CHST11: variants seen among roughly 807,000 people sequenced by gnomAD.
CHST11 encodes the protein C4S-1.
A neutral mutation model predicts 30.4 loss-of-function variants in CHST11; 9 were observed. The observed-to-expected ratio is 0.30, with a 90% CI of 0.18 to 0.52. The LOEUF is 0.52. Among genes scored for constraint, CHST11 ranks in the 20% least tolerant of loss-of-function variants. The pLI, the probability that CHST11 is intolerant of heterozygous loss-of-function variation, is 0.97. For missense variants in CHST11, 348 were observed against 460.6 expected (o/e 0.76, Z 2.24); for synonymous variants, 152 against 187.8 (o/e 0.81, Z 1.56).
intron 2 of CHST11, among the ~76,000 whole-genome samples, chr12:104,637,786 C>T (rs374553778): frequency 7.9e-5 from 12 of 152,214 alleles, no homozygotes; most frequent in African/African-American, 2.9e-4. Flanking sequence ...CATCTGGTCA[C>T]GTACATGCAC....
chr12:104,538,372 T>A (rs993862966), intron 1 of CHST11, among the ~76,000 whole-genome samples: 2 of 152,196 alleles, frequency 1.3e-5, no homozygotes, highest in Non-Finnish European at 2.9e-5. Flanking sequence ...CTATCAAGGG[T>A]GCATCACCCT....
intron 1 of CHST11, among the ~76,000 whole-genome samples, chr12:104,460,393 G>A (rs531658787): frequency 3.3e-5 from 5 of 152,310 alleles, no homozygotes; most frequent in Admixed American, 1.3e-4. Flanking sequence ...GCAGGGCGCG[G>A]TGGCTCATAC....
At chr12:104,651,765 A>G (rs921373942) in intron 2 of CHST11, among the ~76,000 whole-genome samples, 2 of 152,174 alleles carry the variant, frequency 1.3e-5, no homozygotes, top group Non-Finnish European at 2.9e-5. Flanking sequence ...AATTGTAAAA[A>G]TGCCTCCTGC....
intron 2 of CHST11, among the ~76,000 whole-genome samples, chr12:104,664,485 A>G (rs2039625092): frequency 6.6e-6 from 1 of 152,188 alleles, no homozygotes; most frequent in Non-Finnish European, 1.5e-5. Context: ...GTAAAATATA[A>G]CACACAGCCC....
At chr12:104,685,307 C>A (rs548097167) in intron 2 of CHST11, among the ~76,000 whole-genome samples, 2 of 152,282 alleles carry the variant, frequency 1.3e-5, no homozygotes, top group East Asian at 3.9e-4. Flanking sequence ...GCTCTTCTAT[C>A]CCTTGATATT....
intron 2 of CHST11, among the ~76,000 whole-genome samples, chr12:104,745,784 A>T (rs556224002): frequency 1.3e-5 from 2 of 152,274 alleles, no homozygotes; most frequent in East Asian, 3.9e-4. Context: ...TTGTACACTG[A>T]TTTTGTATCC....
chr12:104,580,451 A>C (rs768861671), intron 1 of CHST11, among the ~76,000 whole-genome samples: 5 of 152,226 alleles, frequency 3.3e-5, no homozygotes, highest in Non-Finnish European at 7.3e-5. Flanking sequence ...ATTTCAGTGG[A>C]GCTTTAAGCC....
intron 1 of CHST11, among the ~76,000 whole-genome samples, chr12:104,559,695 A>G (rs1205526573): frequency 6.6e-6 from 1 of 152,202 alleles, no homozygotes; most frequent in Non-Finnish European, 1.5e-5. Context: ...GTGAGCCAAG[A>G]TCATATCATT....
intron 2 of CHST11, among the ~76,000 whole-genome samples, chr12:104,706,403 CAGAT>C (rs2040035230): frequency 1.1e-5 from 1 of 90,910 alleles, no homozygotes; most frequent in South Asian, 3.9e-4. Context: ...CAAACAAAAA[CAGAT>C]AGGTAGATAG....
intron 2 of CHST11, among the ~76,000 whole-genome samples, chr12:104,692,552 G>A (rs1293578815): frequency 1.3e-5 from 2 of 152,130 alleles, no homozygotes; most frequent in Non-Finnish European, 2.9e-5. Context: ...GCTCTGACAG[G>A]CATAATGAAA....
intron 1 of CHST11, among the ~76,000 whole-genome samples, chr12:104,512,340 A>G (rs1021335931): frequency 1.3e-5 from 2 of 152,228 alleles, no homozygotes; most frequent in Non-Finnish European, 2.9e-5. Context: ...GATATCATTT[A>G]GGGCTCCTGT....
rs189831299 is a variant in CHST11 at position 104,693,317 on chromosome 12, A to G, written c.205-63632A>G. ...AACACGCCCAGTGTGACACCACTGA[A>G]AAATGGAGGGCTGAGATTGGAACCC... On this transcript the variant is annotated intron_variant, in intron 2 of 2. Transcript: ENST00000303694. Among the ~76,000 whole-genome samples the G allele has an allele frequency of 1.6e-3, 237 of 152,374 alleles. 1 individual carries two copies. The highest frequency in any genetic ancestry group is 5.4e-3 in the African/African-American group (226 of 41,584).
chr12:104,564,790 C>T (rs2038545924), intron 1 of CHST11, among the ~76,000 whole-genome samples: 1 of 152,182 alleles, frequency 6.6e-6, no homozygotes, highest in Admixed American at 6.5e-5. Context: ...ATTTAATGGA[C>T]TCACAGTTCC....
At chr12:104,727,991 C>T (rs777987156) in intron 2 of CHST11, among the ~76,000 whole-genome samples, 2 of 152,114 alleles carry the variant, frequency 1.3e-5, no homozygotes, top group Non-Finnish European at 2.9e-5. Context: ...CTGTGCCTTC[C>T]GGCATGTCTG....
At chr12:104,513,125 G>GC (rs1242574151) in intron 1 of CHST11, among the ~76,000 whole-genome samples, 32 of 63,570 alleles carry the variant, frequency 5.0e-4, no homozygotes, top group African/African-American at 2.0e-3. Context: ...GTCATGACTG[G>GC]GGGGGGGGGG....
At chr12:104,475,815 A>C (rs1333595311) in intron 1 of CHST11, among the ~76,000 whole-genome samples, 1 of 144,912 alleles carries the variant, frequency 6.9e-6, no homozygotes, top group East Asian at 2.0e-4. Flanking sequence ...ATATGTATAT[A>C]TCCATGGAAA....
intron 1 of CHST11, among the ~76,000 whole-genome samples, chr12:104,540,659 A>G (rs975851146): frequency 6.6e-6 from 1 of 152,152 alleles, no homozygotes; most frequent in Non-Finnish European, 1.5e-5. Context: ...GATTGATTAC[A>G]TGTCAAGGAC....
At chr12:104,495,280 T>C (rs1353051467) in intron 1 of CHST11, among the ~76,000 whole-genome samples, 1 of 152,148 alleles carries the variant, frequency 6.6e-6, no homozygotes, top group Non-Finnish European at 1.5e-5. Flanking sequence ...GCTGTGAACA[T>C]AGGTGTGTAA....
intron 2 of CHST11, among the ~76,000 whole-genome samples, chr12:104,666,048 G>A (rs1014112895): frequency 6.6e-6 from 1 of 151,838 alleles, no homozygotes; most frequent in Non-Finnish European, 1.5e-5. Flanking sequence ...TTGATCTCCC[G>A]ACCTCATGAT....
Sources: gnomAD v4.1 joint callset for allele counts (sites outside exome capture counted in the v4.1 genomes callset) on GRCh38, gnomAD v4.1.1 for gene constraint, MANE v1.5 for transcripts, NCBI Gene and HGNC (gene_info 2026-07-23, HGNC 2026-07-21) for gene names.